Variants in TMEM132B observed in about 807,000 individuals in gnomAD.
TMEM132B encodes transmembrane protein 132B.
TMEM132B carries 18 observed loss-of-function variants against 90.8 expected under a neutral mutation model. The observed-to-expected ratio is 0.20, with a 90% CI of 0.14 to 0.29. The LOEUF is 0.29. Ranked by LOEUF, TMEM132B falls within the 10% of genes least tolerant of loss-of-function variation. The pLI is 1.00. For missense variants in TMEM132B, 1,096 were observed against 1,326.8 expected (o/e 0.83, Z 2.70); for synonymous variants, 504 against 523.3 (o/e 0.96, Z 0.50).
At chr12:125,307,164 G>A (rs1875992385) in intron 1 of TMEM132B, among the ~76,000 whole-genome samples, 1 of 152,186 alleles carries the variant, frequency 6.6e-6, no homozygotes, top group Non-Finnish European at 1.5e-5. Context: ...GTCATTTGCA[G>A]CTGTCTAGAA....
chr12:125,599,616 C>T (rs1885524433), intron 5 of TMEM132B, among the ~76,000 whole-genome samples: 1 of 151,984 alleles, frequency 6.6e-6, no homozygotes, highest in Non-Finnish European at 1.5e-5. Context: ...GGATTCAGGA[C>T]AAAATAAAGA....
intron 1 of TMEM132B, among the ~76,000 whole-genome samples, chr12:125,274,966 G>A (rs563478489): frequency 3.0e-4 from 45 of 152,292 alleles, no homozygotes; most frequent in Non-Finnish European, 5.7e-4. Flanking sequence ...TTCCAAGGAT[G>A]CAAAATAACA....
intron 4 of TMEM132B, among the ~76,000 whole-genome samples, chr12:125,535,903 C>T (rs1883782474): frequency 6.6e-6 from 1 of 152,222 alleles, no homozygotes; most frequent in Non-Finnish European, 1.5e-5. Context: ...TGAACACAGT[C>T]TACTTTCCTT....
chr12:125,429,862 C>T (rs758568811), intron 3 of TMEM132B, among the ~76,000 whole-genome samples: 10 of 152,290 alleles, frequency 6.6e-5, no homozygotes, highest in Non-Finnish European at 1.3e-4. Context: ...AGTTACTTTT[C>T]CCTGCTTCCC....
At chr12:125,468,801 A>AATC (rs1223245508) in intron 3 of TMEM132B, among the ~76,000 whole-genome samples, 1 of 152,190 alleles carries the variant, frequency 6.6e-6, no homozygotes, top group Non-Finnish European at 1.5e-5. Context: ...TTCTGCATAC[A>AATC]ATCCTCTAAC....
intron 1 of TMEM132B, among the ~76,000 whole-genome samples, chr12:125,260,715 C>T (rs997772739): frequency 2.0e-5 from 3 of 152,092 alleles, no homozygotes; most frequent in East Asian, 1.9e-4. Context: ...ATAAGTATTA[C>T]TGGTTTGTTG....
rs937356614 is a variant in TMEM132B at position 125,415,809 on chromosome 12, G to A, written c.1106+132G>A. On this transcript the variant is annotated intron_variant, in intron 3 of 8. Transcript: ENST00000682704. The surrounding 1 kb of genome is among the most constrained non-coding windows in gnomAD (Gnocchi z 5.3). ...TTAATGAGAAATGATTTTTGAGGTC[G>A]GCAGTCTCAAAAATCACCAGAGTTC... is the stretch of plus-strand genomic sequence containing the variant. The A allele has an allele frequency of 4.9e-6, 6 of 1,230,656 alleles. No individual in the cohort carries two copies. The South Asian group carries it at 8.9e-5, about 18-fold the overall frequency. The allele number at this position is 1,230,656 out of a possible 1,614,324, so 76.2% of individuals were successfully genotyped here.
At chr12:125,487,094 T>A (rs1882223733) in intron 3 of TMEM132B, among the ~76,000 whole-genome samples, 1 of 152,202 alleles carries the variant, frequency 6.6e-6, no homozygotes, top group Non-Finnish European at 1.5e-5. Flanking sequence ...ACTTTTTACT[T>A]TGAAATACTA....
intron 3 of TMEM132B, among the ~76,000 whole-genome samples, chr12:125,455,128 T>C (rs988126014): frequency 1.3e-5 from 2 of 150,518 alleles, no homozygotes; most frequent in Admixed American, 6.6e-5. Flanking sequence ...GAGGGGAGTC[T>C]GGAGTGGAGG....
Position 125,458,190 on chromosome 12 carries a change from C to T in TMEM132B, c.1106+42513C>T, listed in dbSNP as rs1464220943. Among the ~76,000 whole-genome samples the T allele has an allele frequency of 6.6e-6, 1 of 151,782 alleles. No individual in the cohort carries two copies. Among genetic ancestry groups the T allele is most frequent in the Non-Finnish European group, 1.5e-5 (1 of 67,938 alleles). On this transcript the variant is annotated intron_variant, in intron 3 of 8. Coordinates refer to ENST00000682704, the MANE Select transcript of TMEM132B (RefSeq NM_001366854.1). The surrounding 1 kb of genome is among the most constrained non-coding windows in gnomAD (Gnocchi z 4.9). ...GATGGAGCTGAGTGGGAGGCAGTGG[C>T]GTCCCTGAGGCCAAAAACAAGGGCC...
intron 6 of TMEM132B, 73 bp from the exon 7 acceptor site, chr12:125,650,610 A>G: frequency 1.3e-6 from 2 of 1,545,002 alleles, no homozygotes; most frequent in Admixed American, 1.8e-5. Flanking sequence ...CTCACCTAGA[A>G]TCTGAAAAAC....
rs1882622466 is a variant in TMEM132B at position 125,498,817 on chromosome 12, A to G, written c.1107-20622A>G. Among the ~76,000 whole-genome samples, 1 of 152,260 alleles carries G rather than the reference A, an allele frequency of 6.6e-6. No individual in the cohort carries two copies. The highest frequency in any genetic ancestry group is 1.5e-5 in the Non-Finnish European group (1 of 68,044). ...GTGACTTCCTAAGAGCTTCTGGCAC[A>G]GTCTTCCATTGCTTTCATTTCTAGT... On this transcript the variant is annotated intron_variant, in intron 3 of 8. Transcript: ENST00000682704. The surrounding 1 kb of genome is among the most constrained non-coding windows in gnomAD (Gnocchi z 4.5).
At chr12:125,423,465 A>G (rs189965590) in intron 3 of TMEM132B, among the ~76,000 whole-genome samples, 34 of 152,304 alleles carry the variant, frequency 2.2e-4, no homozygotes, top group African/African-American at 7.9e-4. Context: ...ACAGAGTCCT[A>G]TAAGAAATGG....
intron 5 of TMEM132B, among the ~76,000 whole-genome samples, chr12:125,624,262 G>A (rs1886177506): frequency 6.6e-6 from 1 of 152,194 alleles, no homozygotes; most frequent in South Asian, 2.1e-4. Context: ...TTGGAAGTGG[G>A]GGCTGAGAGT....
intron 3 of TMEM132B, among the ~76,000 whole-genome samples, chr12:125,517,868 A>G (rs2136655983): frequency 6.6e-6 from 1 of 152,344 alleles, no homozygotes; most frequent in East Asian, 1.9e-4. Flanking sequence ...GCCCTGTGCA[A>G]CATGTCACCA....
At position 125,381,670 on chromosome 12, in the gene TMEM132B, C is replaced by CTG. The variant is rs138043152; in HGVS notation, c.959+31344_959+31345dup. Among the ~76,000 whole-genome samples, 1,009 of 150,034 alleles carry CTG rather than the reference C, an allele frequency of 6.7e-3. 6 individuals are homozygous for CTG. The highest frequency in any genetic ancestry group is 0.017 in the African/African-American group (712 of 41,098). On this transcript the variant is annotated intron_variant, in intron 2 of 8. Coordinates refer to ENST00000682704, the MANE Select transcript of TMEM132B (RefSeq NM_001366854.1). ...AGCAGTGCTTCACATGTGTCTACTA[C>CTG]TGTGTGTGTGTGTGTGTGAATGTAT...
At chr12:125,485,859 C>T (rs1882186879) in intron 3 of TMEM132B, among the ~76,000 whole-genome samples, 1 of 152,210 alleles carries the variant, frequency 6.6e-6, no homozygotes, top group African/African-American at 2.4e-5. Context: ...TTCTCCCCAT[C>T]TTTGATTCGA....
intron 2 of TMEM132B, among the ~76,000 whole-genome samples, chr12:125,377,075 A>G (rs1040790571): frequency 7.9e-5 from 12 of 152,246 alleles, no homozygotes; most frequent in African/African-American, 2.7e-4. Flanking sequence ...GAGTGGGGCC[A>G]GCAGCCTGCG....
chr12:125,598,949 A>G (rs1885508806), intron 5 of TMEM132B, among the ~76,000 whole-genome samples: 1 of 152,192 alleles, frequency 6.6e-6, no homozygotes, highest in African/African-American at 2.4e-5. Context: ...GTTTCCATGC[A>G]TCAATTTCCT....
Sources: allele counts gnomAD v4.1 joint callset (sites outside exome capture counted in the v4.1 genomes callset), GRCh38; gene constraint gnomAD v4.1.1; non-coding constraint Gnocchi (gnomAD v3.1); transcripts MANE v1.5; gene names NCBI Gene and HGNC (gene_info 2026-07-23, HGNC 2026-07-21).